Variants in MSI2 observed in about 807,000 individuals in gnomAD.
MSI2 encodes musashi RNA binding protein 2.
A neutral mutation model predicts 45.6 loss-of-function variants in MSI2; 17 were observed. That is an observed-to-expected ratio of 0.37 (90% confidence interval 0.26 to 0.56). The LOEUF (loss-of-function observed/expected upper bound fraction) is 0.56, where lower values mean the gene tolerates loss of function less well. Ranked by LOEUF, MSI2 falls within the 20% of genes least tolerant of loss-of-function variation. MSI2 has a pLI of 0.77. For missense variants in MSI2, 293 were observed against 444.2 expected (o/e 0.66, Z 3.06); for synonymous variants, 156 against 158.2 (o/e 0.99, Z 0.11).
At chr17:57,315,615 GC>G (rs1216720130) in intron 5 of MSI2, among the ~76,000 whole-genome samples, 3 of 152,116 alleles carry the variant, frequency 2.0e-5, no homozygotes, top group Admixed American at 6.5e-5. Context: ...GCTCTCCAAA[GC>G]CCACTGGTGG....
chr17:57,401,971 C>T (rs1044480249), intron 6 of MSI2, among the ~76,000 whole-genome samples: 15 of 152,202 alleles, frequency 9.9e-5, no homozygotes, highest in African/African-American at 3.1e-4. Context: ...CTGTACCTGT[C>T]AGCATTCTCT....
At chr17:57,691,200 C>CTCATCTATCTATCTATCTATCT in the MSI2 span, among the ~76,000 whole-genome samples, 1 of 140,206 alleles carries the variant, frequency 7.1e-6, no homozygotes, top group Non-Finnish European at 1.5e-5. Context: ...CTCTCTCTCT[C>CTCATCTATCTATCTATCTATCT]ATCTATCTAT....
At chr17:57,504,966 G>A (rs1195827368) in intron 6 of MSI2, among the ~76,000 whole-genome samples, 1 of 151,984 alleles carries the variant, frequency 6.6e-6, no homozygotes. Context: ...TAAGGAAAGG[G>A]GAGAATGGGG....
chr17:57,346,949 G>A (rs1271195061), intron 5 of MSI2, among the ~76,000 whole-genome samples: 3 of 152,092 alleles, frequency 2.0e-5, no homozygotes, highest in Admixed American at 6.5e-5. Flanking sequence ...ATAGGTAATC[G>A]AACAGAGTAG....
At chr17:57,516,423 CCT>C (rs2086470882) in intron 6 of MSI2, among the ~76,000 whole-genome samples, 2 of 152,188 alleles carry the variant, frequency 1.3e-5, no homozygotes, top group Middle Eastern at 6.8e-3. Flanking sequence ...GTCCATTCCC[CCT>C]GTGTTTCCAA....
At chr17:57,604,200 GT>G (rs1332525208) in intron 8 of MSI2, among the ~76,000 whole-genome samples, 1 of 152,182 alleles carries the variant, frequency 6.6e-6, no homozygotes, top group Non-Finnish European at 1.5e-5. Context: ...AAAACAGGTT[GT>G]GGTAGTGCCT....
At chr17:57,484,746 A>G (rs1166347173) in intron 6 of MSI2, among the ~76,000 whole-genome samples, 1 of 152,006 alleles carries the variant, frequency 6.6e-6, no homozygotes, top group Non-Finnish European at 1.5e-5. Context: ...CTGCTGGGCT[A>G]CTCATGGCCT....
chr17:57,421,833 G>T (rs920093184), intron 6 of MSI2, among the ~76,000 whole-genome samples: 4 of 152,062 alleles, frequency 2.6e-5, no homozygotes, highest in African/African-American at 9.7e-5. Flanking sequence ...CTCCAGCCTG[G>T]GCAACAGAGT....
intron 5 of MSI2, among the ~76,000 whole-genome samples, chr17:57,375,243 A>T (rs1457364145): frequency 3.3e-5 from 5 of 152,186 alleles, no homozygotes; most frequent in African/African-American, 1.2e-4. Flanking sequence ...AGTGATCAGC[A>T]AATTTAAGCC....
chr17:57,492,316 A>C (rs2085889433), intron 6 of MSI2, among the ~76,000 whole-genome samples: 1 of 152,200 alleles, frequency 6.6e-6, no homozygotes, highest in Non-Finnish European at 1.5e-5. Context: ...TCTTCTCCAC[A>C]ATTATTTTCA....
chr17:57,644,036 C>A lies in MSI2; in HGVS notation c.728-8063C>A, dbSNP rs543641954. Among the ~76,000 whole-genome samples the A allele has an allele frequency of 7.9e-5, 12 of 152,298 alleles. 1 individual carries two copies. Among genetic ancestry groups the A allele is most frequent in the African/African-American group, 2.4e-4 (10 of 41,564 alleles). ...AGCTGAGGGCGAGACATTGCCCCCC[C>A]AGGCCATACACTCACTCCCCAGCAC... is the stretch of plus-strand genomic sequence containing the variant. On this transcript the variant is annotated intron_variant, in intron 10 of 13. Transcript: ENST00000284073.
chr17:57,663,447 C>A (rs1194978527), intron 11 of MSI2, among the ~76,000 whole-genome samples: 1 of 152,184 alleles, frequency 6.6e-6, no homozygotes, highest in Non-Finnish European at 1.5e-5. Context: ...GGCACCCCAG[C>A]CCCGCTCGCC....
chr17:57,318,049 C>T (rs1357461253), intron 5 of MSI2, among the ~76,000 whole-genome samples: 4 of 151,992 alleles, frequency 2.6e-5, no homozygotes, highest in Non-Finnish European at 4.4e-5. Context: ...CTCGGGAGGC[C>T]GAGGCAGGAG....
intron 5 of MSI2, among the ~76,000 whole-genome samples, chr17:57,366,039 G>C (rs910530940): frequency 6.6e-6 from 1 of 152,062 alleles, no homozygotes; most frequent in Non-Finnish European, 1.5e-5. Flanking sequence ...TCAACCTCCC[G>C]AATAGCTGGG....
intron 7 of MSI2, among the ~76,000 whole-genome samples, chr17:57,572,657 A>T (rs1296433238): frequency 6.6e-6 from 1 of 152,082 alleles, no homozygotes; most frequent in Non-Finnish European, 1.5e-5. Flanking sequence ...CGTTGGAGGG[A>T]ATGTGTTGCC....
intron 7 of MSI2, among the ~76,000 whole-genome samples, chr17:57,553,156 C>T (rs1415047114): frequency 6.6e-6 from 1 of 152,104 alleles, no homozygotes; most frequent in Admixed American, 6.5e-5. Context: ...AGCATGAGCC[C>T]CCCAAGGCCA....
chr17:57,303,190 C>T (rs1002423449), intron 5 of MSI2, among the ~76,000 whole-genome samples: 1 of 152,158 alleles, frequency 6.6e-6, no homozygotes, highest in African/African-American at 2.4e-5. Flanking sequence ...GTCTGTTTTA[C>T]TACATGTTCA....
chr17:57,440,413 C>CGTGTGTGTGTGTGTGTGTGT lies in MSI2; in HGVS notation c.405+38977_405+38996dup, dbSNP rs71139995. On this transcript the variant is annotated intron_variant, in intron 6 of 13. Transcript: ENST00000284073. ...ACAGTCTTACCTGGGGTTTGTTATC[C>CGTGTGTGTGTGTGTGTGTGT]GTGTGTGTGTGTGTGTGTGTGTGTG... is the stretch of plus-strand genomic sequence containing the variant. Among the ~76,000 whole-genome samples the CGTGTGTGTGTGTGTGTGTGT allele has an allele frequency of 1.5e-3, 159 of 104,598 alleles. 12 individuals are homozygous for CGTGTGTGTGTGTGTGTGTGT. Among genetic ancestry groups the CGTGTGTGTGTGTGTGTGTGT allele is most frequent in the East Asian group, 4.1e-3 (12 of 2,906 alleles). 68.6% of individuals were successfully genotyped at this position (104,598 alleles called of 152,430 possible). A position where few individuals can be genotyped will look rare whatever the true frequency, so the allele number is the denominator to read the frequency against.
chr17:57,631,989 G>A, intron 10 of MSI2: 4 of 1,424,428 alleles, frequency 2.8e-6, no homozygotes, highest in South Asian at 3.2e-5. Context: ...TTTAATTCTT[G>A]GACTCATGTC....
Sources: gnomAD v4.1 joint callset for allele counts (sites outside exome capture counted in the v4.1 genomes callset) on GRCh38, gnomAD v4.1.1 for gene constraint, MANE v1.5 for transcripts, NCBI Gene and HGNC (gene_info 2026-07-23, HGNC 2026-07-21) for gene names.